Variants in SUCLG2 observed in about 807,000 individuals in gnomAD.
The protein encoded by SUCLG2 is succinate-CoA ligase GDP-forming subunit beta, also known as succinate--CoA ligase [GDP-forming] subunit beta, mitochondrial.
Under a neutral mutation model 47.9 loss-of-function variants are expected in SUCLG2, and 42 were observed. The ratio of observed to expected loss-of-function variants is 0.88; its 90% CI spans 0.69 to 1.14. SUCLG2 has a LOEUF of 1.14. Among genes scored for constraint, SUCLG2 ranks in the 50% most tolerant of loss-of-function variants. The probability of loss-of-function intolerance (pLI) is 0.00; values close to 1 mark genes in which losing one functional copy is unlikely to be tolerated. For synonymous variants in SUCLG2, 195 were observed against 197.3 expected, an observed-to-expected ratio of 0.99 and a Z score of 0.10; for missense variants, 571 against 525.9, an observed-to-expected ratio of 1.09 and a Z score of -0.84.
At chr3:67,604,654 G>T (rs987605801) in intron 2 of SUCLG2, among the ~76,000 whole-genome samples, 1 of 151,996 alleles carries the variant, frequency 6.6e-6, no homozygotes, top group Non-Finnish European at 1.5e-5. Context: ...GTGGCGAGAA[G>T]AAGAGAAGGT....
chr3:67,496,045 C>A (rs1705331922), intron 8 of SUCLG2, 105 bp from the exon 9 acceptor site: 2 of 1,376,548 alleles, frequency 1.5e-6, no homozygotes, highest in Non-Finnish European at 2.0e-6. Flanking sequence ...TCTGTCATTG[C>A]CAGGCCAATT....
chr3:67,416,930 T>C (rs2106849102), intron 9 of SUCLG2, among the ~76,000 whole-genome samples: 2 of 152,258 alleles, frequency 1.3e-5, no homozygotes, highest in Admixed American at 1.3e-4. Context: ...TACTTCGGCA[T>C]GGAGAAGGAA....
At chr3:67,458,990 G>T (rs949354101) in intron 9 of SUCLG2, among the ~76,000 whole-genome samples, 2 of 152,182 alleles carry the variant, frequency 1.3e-5, no homozygotes, top group African/African-American at 4.8e-5. Flanking sequence ...AGAGAAAAGG[G>T]GCTTTTTTAT....
At chr3:67,605,342 G>A (rs1299191541) in intron 2 of SUCLG2, among the ~76,000 whole-genome samples, 20 of 152,208 alleles carry the variant, frequency 1.3e-4, no homozygotes, top group Non-Finnish European at 2.4e-4. Flanking sequence ...GCTCTCTCCA[G>A]GTAATCTCAG....
intron 9 of SUCLG2, among the ~76,000 whole-genome samples, chr3:67,448,158 A>G (rs974588554): frequency 2.0e-5 from 3 of 152,244 alleles, no homozygotes; most frequent in African/African-American, 7.2e-5. Context: ...ACTGGATGAA[A>G]AAAATCCCCA....
rs377191219 is a variant in SUCLG2 at position 67,537,066 on chromosome 3, T to C, written c.227-7880A>G. 2.4e-4 allele frequency among the ~76,000 whole-genome samples: 37 copies of C among 152,358 alleles called. 1 individual carries two copies. The highest frequency in any genetic ancestry group is 9.8e-4 in the Admixed American group (15 of 15,304). On this transcript the variant is annotated intron_variant, in intron 2 of 10. Transcript: ENST00000307227. ...AAGTATACTTTTTAAAATTATACTT[T>C]AGGTTCTGGGATATATATGCAGAGC...
At chr3:67,448,168 A>G (rs986080919) in intron 9 of SUCLG2, among the ~76,000 whole-genome samples, 1 of 152,226 alleles carries the variant, frequency 6.6e-6, no homozygotes, top group African/African-American at 2.4e-5. Flanking sequence ...AAAAATCCCC[A>G]AAAAACTATG....
intron 9 of SUCLG2, among the ~76,000 whole-genome samples, chr3:67,489,668 A>G (rs551606046): frequency 1.3e-5 from 2 of 152,214 alleles, no homozygotes; most frequent in East Asian, 1.9e-4. Context: ...CTACTTCCCT[A>G]CAAAGAAAAC....
At chr3:67,454,512 T>A (rs1055620621) in intron 9 of SUCLG2, among the ~76,000 whole-genome samples, 2 of 152,184 alleles carry the variant, frequency 1.3e-5, no homozygotes, top group African/African-American at 2.4e-5. Context: ...CCTCTCTTCC[T>A]CTCTATATCT....
intron 6 of SUCLG2, among the ~76,000 whole-genome samples, chr3:67,513,432 A>G (rs144872088): frequency 3.3e-4 from 51 of 152,338 alleles, no homozygotes; most frequent in Non-Finnish European, 6.3e-4. Context: ...AGCAAGACTA[A>G]AACATAATCT....
At chr3:67,430,684 A>G (rs1312521621) in intron 9 of SUCLG2, among the ~76,000 whole-genome samples, 1 of 152,198 alleles carries the variant, frequency 6.6e-6, no homozygotes, top group African/African-American at 2.4e-5. Context: ...GAAAAGATCA[A>G]CAAAATTGAT....
At chr3:67,440,466 T>A (rs1481731999) in intron 9 of SUCLG2, among the ~76,000 whole-genome samples, 1 of 151,848 alleles carries the variant, frequency 6.6e-6, no homozygotes, top group Non-Finnish European at 1.5e-5. Flanking sequence ...TGGGAGAAAA[T>A]TTTTGCAATC....
At chr3:67,425,532 GGAA>G (rs1381569603) in intron 9 of SUCLG2, among the ~76,000 whole-genome samples, 2 of 152,242 alleles carry the variant, frequency 1.3e-5, no homozygotes, top group South Asian at 2.1e-4. Flanking sequence ...AAAAAAAGGT[GGAA>G]GAAGGGAGGA....
In SUCLG2 at chr3:67,612,301, G is replaced by T. The variant is rs555739055; in HGVS notation, c.85-2705C>A. ...TTGAGCCTGGAAGGCTGAGGCTGCAGTGAGCTATGATTGTGCCACTGCACT... is the reference window on the plus strand; with the variant it reads ...TTGAGCCTGGAAGGCTGAGGCTGCATTGAGCTATGATTGTGCCACTGCACT... On this transcript the variant is annotated intron_variant, in intron 1 of 10. Coordinates refer to ENST00000307227, the MANE Select transcript of SUCLG2 (RefSeq NM_003848.4). Among the ~76,000 whole-genome samples the T allele has an allele frequency of 2.6e-5, 4 of 151,682 alleles. No homozygotes were observed. In the East Asian group the frequency reaches 7.8e-4, roughly 29 times the overall value.
At chr3:67,448,563 T>G (rs1703981588) in intron 9 of SUCLG2, among the ~76,000 whole-genome samples, 1 of 152,192 alleles carries the variant, frequency 6.6e-6, no homozygotes, top group Non-Finnish European at 1.5e-5. Context: ...TTTTGTATTT[T>G]TAGTAGAGAC....
chr3:67,647,355 T>C (rs1023962163), intron 1 of SUCLG2, among the ~76,000 whole-genome samples: 1 of 152,236 alleles, frequency 6.6e-6, no homozygotes, highest in Non-Finnish European at 1.5e-5. Flanking sequence ...GAATCATTTC[T>C]AGAAAGGGTA....
intron 2 of SUCLG2, among the ~76,000 whole-genome samples, chr3:67,605,436 C>CTA (rs1559592693): frequency 6.6e-6 from 1 of 152,156 alleles, no homozygotes; most frequent in Non-Finnish European, 1.5e-5. Context: ...TCTTCTAATG[C>CTA]TATAAATTTC....
chr3:67,531,948 C>T (rs1235796617), intron 2 of SUCLG2, among the ~76,000 whole-genome samples: 1 of 152,104 alleles, frequency 6.6e-6, no homozygotes, highest in East Asian at 1.9e-4. Flanking sequence ...TCTGATCTCT[C>T]CCAAAACTCA....
At chr3:67,631,482 G>C (rs1217353973) in intron 1 of SUCLG2, among the ~76,000 whole-genome samples, 1 of 152,074 alleles carries the variant, frequency 6.6e-6, no homozygotes, top group African/African-American at 2.4e-5. Flanking sequence ...ACAAAAAGTA[G>C]CCGGGCGTGG....
Sources: allele counts gnomAD v4.1 joint callset (sites outside exome capture counted in the v4.1 genomes callset), GRCh38; gene constraint gnomAD v4.1.1; transcripts MANE v1.5; gene names NCBI Gene and HGNC (gene_info 2026-07-23, HGNC 2026-07-21).